PATJ: variants seen among roughly 807,000 people sequenced by gnomAD.
PATJ encodes the protein inaD-like protein.
In PATJ, 190 loss-of-function variants were observed where a neutral mutation model predicts 224.9. The ratio of observed to expected loss-of-function variants is 0.84; its 90% CI spans 0.75 to 0.95. PATJ has a LOEUF of 0.95. Among genes scored for constraint, PATJ ranks in the 40% least tolerant of loss-of-function variants. The pLI is 0.00. For synonymous variants in PATJ, 769 were observed against 820.3 expected (o/e 0.94, Z 1.07); for missense variants, 2,121 against 2,270.3 (o/e 0.93, Z 1.34).
intron 39 of PATJ, among the ~76,000 whole-genome samples, chr1:62,124,611 G>A (rs1035114281): frequency 6.6e-6 from 1 of 152,104 alleles, no homozygotes; most frequent in Non-Finnish European, 1.5e-5. Context: ...TTAAACAGTG[G>A]GAATTTATTT....
intron 19 of PATJ, among the ~76,000 whole-genome samples, chr1:61,864,011 C>A (rs1043922496): frequency 6.6e-6 from 1 of 152,192 alleles, no homozygotes; most frequent in Non-Finnish European, 1.5e-5. Flanking sequence ...ATTCACCTTG[C>A]CAAGGGCAGA....
rs1452662457 is a variant in PATJ at position 61,861,577 on chromosome 1, T to C, written c.2349T>C (p.Tyr783=). Reference sequence around the variant, plus strand: ...AAGATAATGAAGAAGAAAGTTGTTATATTTTACATTCAAGCAGTAATGAAG... The same window carrying C: ...AAGATAATGAAGAAGAAAGTTGTTACATTTTACATTCAAGCAGTAATGAAG... The part of the protein sequence containing the change: ...LVEDNEEESC[Y]ILHSSSNEDK... Residue 783 remains tyrosine (Y), a synonymous_variant, in exon 19 of 44, where the codon TAT becomes TAC. Coordinates refer to ENST00000642238, the MANE Select transcript of PATJ (RefSeq NM_001350145.3). The C allele has an allele frequency of 2.1e-6, 3 of 1,436,786 alleles. No individual in the cohort carries two copies. The highest frequency in any genetic ancestry group is 1.9e-6 in the Non-Finnish European group (2 of 1,060,820). 89.0% of individuals were successfully genotyped at this position (1,436,786 alleles called of 1,614,324 possible).
chr1:62,022,638 T>TC (rs1647151765), intron 29 of PATJ, among the ~76,000 whole-genome samples: 1 of 152,160 alleles, frequency 6.6e-6, no homozygotes, highest in African/African-American at 2.4e-5. Flanking sequence ...TGTCGTACCT[T>TC]CCCCCACTAT....
At position 62,050,120 on chromosome 1, in the gene PATJ, CAAAA is replaced by C. The variant is rs35986021; in HGVS notation, c.4033-831_4033-828del. On this transcript the variant is annotated intron_variant, in intron 30 of 43. Transcript: ENST00000642238. ...GATAGAGTGAGACTGTCTGCCCCAC[CAAAA>C]AAAAAAAAAAAAAATTCATTTATTA... 1.9e-3 allele frequency among the ~76,000 whole-genome samples: 184 copies of C among 95,202 alleles called. 1 individual carries two copies. The highest frequency in any genetic ancestry group is 6.1e-3 in the African/African-American group (174 of 28,622). 62.5% of individuals were successfully genotyped at this position (95,202 alleles called of 152,430 possible).
chr1:61,768,617 C>T (rs1003444790), intron 4 of PATJ, among the ~76,000 whole-genome samples: 3 of 151,552 alleles, frequency 2.0e-5, no homozygotes, highest in Non-Finnish European at 4.4e-5. Context: ...ATATATTTTG[C>T]GGCTGGGCAC....
chr1:61,970,885 A>G (rs1418486890), intron 27 of PATJ, among the ~76,000 whole-genome samples: 2 of 90,260 alleles, frequency 2.2e-5, no homozygotes, highest in East Asian at 4.0e-4. Flanking sequence ...GAACTATAAG[A>G]TACTTCTGAG....
chr1:61,968,425 G>A lies in PATJ; in HGVS notation c.3671-21743G>A, dbSNP rs149361423. On this transcript the variant is annotated intron_variant, in intron 27 of 43. Coordinates refer to ENST00000642238, the MANE Select transcript of PATJ (RefSeq NM_001350145.3). ...ACTCTTATGTTGTTTATTTTATTAC[G>A]GTAAAAAATATATAAAATTTATCAT... 6.5e-3 allele frequency among the ~76,000 whole-genome samples: 994 copies of A among 151,894 alleles called. 17 individuals carry two copies. Among genetic ancestry groups the A allele is most frequent in the African/African-American group, 0.023 (938 of 41,450 alleles).
At chr1:62,066,557 C>G (rs150694698) in intron 31 of PATJ, among the ~76,000 whole-genome samples, 1,688 of 152,068 alleles carry the variant, frequency 0.011, 12 homozygotes, top group Middle Eastern at 0.044. Flanking sequence ...CCTGTGGGAA[C>G]TTTGCTAATG....
intron 27 of PATJ, among the ~76,000 whole-genome samples, chr1:61,938,984 G>A (rs1052031474): frequency 4.6e-5 from 7 of 151,440 alleles, no homozygotes; most frequent in South Asian, 2.1e-4. Context: ...TTAGCCAGGC[G>A]TGGTGGCGGG....
chr1:62,072,418 C>G (rs1182594415), intron 31 of PATJ: 1 of 152,032 alleles, frequency 6.6e-6, no homozygotes, highest in Non-Finnish European at 1.5e-5. Flanking sequence ...AGAAAAAACT[C>G]TGGCTGGAAT....
chr1:61,833,046 A>G (rs987304848), intron 16 of PATJ, among the ~76,000 whole-genome samples: 2 of 152,180 alleles, frequency 1.3e-5, no homozygotes, highest in African/African-American at 2.4e-5. Flanking sequence ...TTCTTCTAAG[A>G]TCAGATTTTC....
chr1:62,127,926 G>A (rs752537092), intron 39 of PATJ, 46 bp from the exon 40 acceptor site: 1 of 1,605,500 alleles, frequency 6.2e-7, no homozygotes, highest in African/African-American at 1.3e-5. Context: ...GTCAGTTTGT[G>A]GCTCTTTATT....
intron 5 of PATJ, among the ~76,000 whole-genome samples, chr1:61,770,226 C>T (rs1646522034): frequency 6.6e-6 from 1 of 152,122 alleles, no homozygotes; most frequent in African/African-American, 2.4e-5. Context: ...GTTCTGCCAT[C>T]TAATGCAGCA....
chr1:61,901,219 A>G lies in PATJ; in HGVS notation c.3204-63A>G, dbSNP rs1374868518. 7 of 1,007,646 alleles carry G rather than the reference A, an allele frequency of 6.9e-6. No homozygotes were observed. In the Admixed American group the frequency reaches 1.9e-4, roughly 27 times the overall value. The allele number at this position is 1,007,646 out of a possible 1,614,324, so 62.4% of individuals were successfully genotyped here. A position where few individuals can be genotyped will look rare whatever the true frequency, so the allele number is the denominator to read the frequency against. ...GTCACAAGGATATGATGCAAATGGA[A>G]TACTTACAGTCCAACAGATTAAACT... On this transcript the variant is annotated intron_variant, in intron 23 of 43. Transcript: ENST00000642238.
chr1:62,163,479 G>T lies in PATJ; in HGVS notation c.*2425G>T, dbSNP rs190854450. On this transcript the variant is annotated 3_prime_UTR_variant, in exon 44 of 44. Coordinates refer to ENST00000642238, the MANE Select transcript of PATJ (RefSeq NM_001350145.3). ...GATTCTGCTTTATTTTGATGGAATG[G>T]CCATTAAATACACATTTTGAGATAA... 7.8e-4 allele frequency: 119 copies of T among 152,612 alleles called. No homozygotes were observed. The highest frequency in any genetic ancestry group is 2.8e-3 in the African/African-American group (118 of 41,514). 9.5% of individuals were successfully genotyped at this position (152,612 alleles called of 1,614,324 possible).
At chr1:61,986,185 C>T (rs79146428) in intron 27 of PATJ, among the ~76,000 whole-genome samples, 1 of 152,118 alleles carries the variant, frequency 6.6e-6, no homozygotes, top group East Asian at 1.9e-4. Context: ...GCTGGGATCA[C>T]AGGCATGAAA....
In PATJ at chr1:61,801,622, G is replaced by A. The variant is rs1043362901; in HGVS notation, c.1403-1G>A. On this transcript the variant is annotated splice_acceptor_variant, in intron 11 of 43. Transcript: ENST00000642238. LOFTEE classifies it high-confidence loss of function. ...TAAAAAATTATTTTTTTTTGTTTTA[G>A]GAACTGTTGTAGAACCACTGAAACC... 6.7e-7 allele frequency: 1 copy of A among 1,500,746 alleles called. No individual in the cohort carries two copies. The highest frequency in any genetic ancestry group is 8.9e-7 in the Non-Finnish European group (1 of 1,122,966). 93.0% of individuals were successfully genotyped at this position (1,500,746 alleles called of 1,614,324 possible). A position where few individuals can be genotyped will look rare whatever the true frequency, so the allele number is the denominator to read the frequency against.
chr1:62,049,424 T>C (rs536822240), intron 30 of PATJ, among the ~76,000 whole-genome samples: 2 of 152,330 alleles, frequency 1.3e-5, no homozygotes, highest in East Asian at 3.9e-4. Context: ...ATGCTCTCTT[T>C]GCTTTAATTG....
intron 27 of PATJ, among the ~76,000 whole-genome samples, chr1:61,954,229 A>G (rs1214251647): frequency 2.6e-5 from 4 of 152,238 alleles, no homozygotes; most frequent in African/African-American, 4.8e-5. Context: ...CTTATGACTT[A>G]GTCTATCTTA....
Sources: allele counts gnomAD v4.1 joint callset (sites outside exome capture counted in the v4.1 genomes callset), GRCh38; gene constraint gnomAD v4.1.1; transcripts MANE v1.5; gene names NCBI Gene and HGNC (gene_info 2026-07-23, HGNC 2026-07-21).